Variants in INSL6 observed in about 807,000 individuals in gnomAD.
INSL6 encodes the protein insulin-like peptide INSL6.
A neutral mutation model predicts 9.4 loss-of-function variants in INSL6; 16 were observed. That is an observed-to-expected ratio of 1.70 (90% CI 1.15 to 2.59). The LOEUF is 2.59. Among genes scored for constraint, INSL6 ranks in the 30% most tolerant of loss-of-function variants. INSL6 has a pLI of 0.00. For missense variants in INSL6, 391 were observed against 257.3 expected, an observed-to-expected ratio of 1.52 and a Z score of -3.56; for synonymous variants, 154 against 96.9, an observed-to-expected ratio of 1.59 and a Z score of -3.46.
chr9:5,165,317 C>T (rs1343259511), intron 1 of INSL6, among the ~76,000 whole-genome samples: 2 of 152,178 alleles, frequency 1.3e-5, no homozygotes, highest in African/African-American at 4.8e-5. Context: ...TGGAACACTG[C>T]ATGATATAAA....
chr9:5,111,927 C>G, the INSL6 span: 2 of 350,234 alleles, frequency 5.7e-6, no homozygotes, highest in Non-Finnish European at 5.7e-6. Flanking sequence ...AATCTACTCT[C>G]CGGATCACTC....
intron 3 of INSL6, among the ~76,000 whole-genome samples, chr9:5,129,419 G>GTCTT (rs1465730575): frequency 6.6e-6 from 1 of 152,042 alleles, no homozygotes; most frequent in Non-Finnish European, 1.5e-5. Context: ...CCACTGTATT[G>GTCTT]TCTTTAATGA....
chr9:5,006,352 C>T, the INSL6 span, among the ~76,000 whole-genome samples: 7 of 152,126 alleles, frequency 4.6e-5, no homozygotes, highest in African/African-American at 7.2e-5. Context: ...TATGCTGAGA[C>T]TTTGCTGAAG....
chr9:5,110,609 G>T, the INSL6 span: 1 of 188,260 alleles, frequency 5.3e-6, no homozygotes, highest in South Asian at 1.1e-4. Flanking sequence ...TTACAGATAT[G>T]CCTTTCTTCA....
At chr9:5,164,886 G>C (rs971085872) in intron 1 of INSL6, among the ~76,000 whole-genome samples, 1 of 152,278 alleles carries the variant, frequency 6.6e-6, no homozygotes, top group Middle Eastern at 3.4e-3. Context: ...ATGGACATTT[G>C]AGTGGTTTCC....
At chr9:5,127,687 G>C (rs115158615) in intron 3 of INSL6, 1 of 231,860 alleles carries the variant, frequency 4.3e-6, no homozygotes, top group Non-Finnish European at 8.6e-6. Context: ...AACATTCTTC[G>C]ATCTCTGGGA....
the INSL6 span, chr9:5,021,862 G>C: frequency 1.6e-6 from 1 of 638,032 alleles, no homozygotes; most frequent in South Asian, 2.0e-5. Context: ...CCAACTTCTG[G>C]GCTCAAGCTA....
the INSL6 span, among the ~76,000 whole-genome samples, chr9:5,058,006 T>C: frequency 6.6e-6 from 1 of 152,202 alleles, no homozygotes; most frequent in African/African-American, 2.4e-5. Flanking sequence ...TCATTTGTAT[T>C]ACAGCATGTA....
rs368461380 is a variant in INSL6, at chr9:5,185,511, T to C, written c.92A>G (p.Lys31Arg). ...TTTCACCAAGTACCTGCCGCACAGC[T>C]TCCTGGCACTGCTGATGTCGCTCAG... Reference protein sequence around the residue: ...RELSDISSARKLCGRYLVKEI... With the variant: ...RELSDISSARRLCGRYLVKEI... The change falls in exon 1 of 2, where the codon AAG (lysine) becomes AGG (arginine). Residue 31 changes from lysine to arginine, a missense_variant. Physicochemically the swap from Lys to Arg is conservative, Grantham distance 26. Transcript: ENST00000381641. 13 of 1,614,054 alleles carry C rather than the reference T, an allele frequency of 8.1e-6. No individual in the cohort carries two copies. In the African/African-American group the frequency reaches 1.7e-4, roughly 22 times the overall value.
chr9:5,058,740 T>C, the INSL6 span, among the ~76,000 whole-genome samples: 1 of 152,190 alleles, frequency 6.6e-6, no homozygotes, highest in African/African-American at 2.4e-5. Flanking sequence ...ATCTGATGGG[T>C]GTGAAGTAGT....
chr9:5,011,767 C>T, the INSL6 span, among the ~76,000 whole-genome samples: 2 of 152,222 alleles, frequency 1.3e-5, no homozygotes, highest in Non-Finnish European at 2.9e-5. Flanking sequence ...GAGTTTTGTT[C>T]TAGCAGGCAG....
In INSL6 at chr9:5,155,038, C is replaced by T. The variant is rs1387382941; in HGVS notation, c.376+9141G>A. Among the ~76,000 whole-genome samples, 7 of 151,620 alleles carry T rather than the reference C, an allele frequency of 4.6e-5. No individual in the cohort carries two copies. In the South Asian group the frequency reaches 6.3e-4, roughly 14 times the overall value. ...GACACATGCACACGTATGTTTATTG[C>T]GGCACTATTCACAATAGCAAAGACT... On this transcript the variant is annotated intron_variant, in intron 2 of 3. Coordinates refer to the INSL6 transcript ENST00000649639.
At chr9:5,090,370 A>G in the INSL6 span, 1 of 1,077,844 alleles carries the variant, frequency 9.3e-7, no homozygotes, top group Non-Finnish European at 1.3e-6. Flanking sequence ...TAAGTCATTT[A>G]TGTATGATAG....
the INSL6 span, among the ~76,000 whole-genome samples, chr9:5,017,050 CAAACAAGTTTT>C: frequency 6.6e-6 from 1 of 152,244 alleles, no homozygotes; most frequent in East Asian, 1.9e-4. Flanking sequence ...GCTGCTAATG[CAAACAAGTTTT>C]AAACTACTTG....
At chr9:5,033,764 T>C in the INSL6 span, among the ~76,000 whole-genome samples, 1 of 152,186 alleles carries the variant, frequency 6.6e-6, no homozygotes. Flanking sequence ...AAGGAACAAC[T>C]GGTACCAGCC....
the INSL6 span, among the ~76,000 whole-genome samples, chr9:5,050,452 G>A: frequency 2.0e-5 from 3 of 152,046 alleles, no homozygotes; most frequent in Non-Finnish European, 2.9e-5. Context: ...TAAATTTTTT[G>A]TGGAGATGAG....
At chr9:5,077,225 A>T in the INSL6 span, among the ~76,000 whole-genome samples, 2 of 149,964 alleles carry the variant, frequency 1.3e-5, no homozygotes, top group Admixed American at 1.3e-4. Flanking sequence ...CATTTATGTT[A>T]TATATAATAA....
the INSL6 span, among the ~76,000 whole-genome samples, chr9:5,008,061 A>C: frequency 7.2e-5 from 11 of 152,172 alleles, no homozygotes; most frequent in East Asian, 1.9e-4. Flanking sequence ...AACTGTTTAC[A>C]CAGAATAACA....
chr9:5,058,603 A>G, the INSL6 span, among the ~76,000 whole-genome samples: 3 of 152,274 alleles, frequency 2.0e-5, no homozygotes, highest in Non-Finnish European at 4.4e-5. Context: ...TGGTAATTCT[A>G]CTTGTAATTT....
Sources: allele counts gnomAD v4.1 joint callset (sites outside exome capture counted in the v4.1 genomes callset), GRCh38; gene constraint gnomAD v4.1.1; transcripts MANE v1.5; gene names NCBI Gene and HGNC (gene_info 2026-07-23, HGNC 2026-07-21).